LGSN: variants seen among roughly 807,000 people sequenced by gnomAD.
The protein encoded by LGSN is lengsin, lens protein with glutamine synthetase domain, also known as lengsin.
Under a neutral mutation model 19.5 loss-of-function variants are expected in LGSN, and 21 were observed. That is an observed-to-expected ratio of 1.07 (90% CI 0.76 to 1.55). The LOEUF (loss-of-function observed/expected upper bound fraction) is 1.55, where lower values mean the gene tolerates loss of function less well. Ranked by LOEUF, LGSN falls within the 40% of genes most tolerant of loss-of-function variation. The pLI, the probability that LGSN is intolerant of heterozygous loss-of-function variation, is 0.00. For synonymous variants in LGSN, 257 were observed against 215.6 expected (o/e 1.19, Z -1.68); for missense variants, 673 against 608.5 (o/e 1.11, Z -1.12).
intron 1 of LGSN, among the ~76,000 whole-genome samples, chr6:63,303,715 T>C (rs1041854502): frequency 6.6e-6 from 1 of 152,210 alleles, no homozygotes; most frequent in Non-Finnish European, 1.5e-5. Flanking sequence ...ACTGACTGGG[T>C]ACAGTCAAAC....
At chr6:63,410,859 A>G in the LGSN span, among the ~76,000 whole-genome samples, 2 of 152,114 alleles carry the variant, frequency 1.3e-5, no homozygotes, top group Admixed American at 6.6e-5. Context: ...ATGCTGGTAA[A>G]TGGTTGCTGC....
intron 1 of LGSN, among the ~76,000 whole-genome samples, chr6:63,319,093 C>G (rs1768982367): frequency 6.6e-6 from 1 of 152,126 alleles, no homozygotes; most frequent in African/African-American, 2.4e-5. Flanking sequence ...GACTCTATTT[C>G]AAAACAACTG....
chr6:63,431,037 A>G, the LGSN span, among the ~76,000 whole-genome samples: 1 of 152,174 alleles, frequency 6.6e-6, no homozygotes, highest in Admixed American at 6.5e-5. Context: ...AGTAAATAAT[A>G]CCTTACTCTT....
At chr6:63,526,371 A>G in the LGSN span, among the ~76,000 whole-genome samples, 2 of 152,080 alleles carry the variant, frequency 1.3e-5, no homozygotes, top group East Asian at 3.9e-4. Context: ...TTTGGGTTCT[A>G]GAATAGCTGA....
chr6:63,535,011 G>T, the LGSN span, among the ~76,000 whole-genome samples: 1 of 151,976 alleles, frequency 6.6e-6, no homozygotes, highest in Non-Finnish European at 1.5e-5. Context: ...AGTGAGCCAA[G>T]ATCGCATCAT....
the LGSN span, among the ~76,000 whole-genome samples, chr6:63,498,726 G>A: frequency 6.6e-6 from 1 of 152,074 alleles, no homozygotes; most frequent in Admixed American, 6.6e-5. Context: ...TGAGACAAGT[G>A]CTCATTTACA....
chr6:63,345,537 T>C, the LGSN span, among the ~76,000 whole-genome samples: 8 of 152,198 alleles, frequency 5.3e-5, no homozygotes, highest in African/African-American at 1.9e-4. Flanking sequence ...GAGATCCCTT[T>C]TCTTTATGTC....
the LGSN span, among the ~76,000 whole-genome samples, chr6:63,488,701 C>A: frequency 6.6e-6 from 1 of 151,924 alleles, no homozygotes; most frequent in African/African-American, 2.4e-5. Flanking sequence ...GCCTGTAATC[C>A]CAGCTACTTG....
At chr6:63,288,894 A>G (rs543349333) in intron 2 of LGSN, among the ~76,000 whole-genome samples, 2 of 152,132 alleles carry the variant, frequency 1.3e-5, no homozygotes, top group Non-Finnish European at 2.9e-5. Context: ...TAAAGAACGT[A>G]TCTCCAAATT....
the LGSN span, among the ~76,000 whole-genome samples, chr6:63,494,269 G>T: frequency 1.6e-4 from 25 of 151,960 alleles, no homozygotes; most frequent in African/African-American, 5.8e-4. Context: ...TATTTCTATG[G>T]CTCCTTGGAT....
chr6:63,373,869 AG>A, the LGSN span, among the ~76,000 whole-genome samples: 1 of 151,296 alleles, frequency 6.6e-6, no homozygotes, highest in South Asian at 2.1e-4. Context: ...CAGGAGCTGG[AG>A]GTTGCAGTGA....
At chr6:63,355,710 C>T in the LGSN span, among the ~76,000 whole-genome samples, 3 of 152,160 alleles carry the variant, frequency 2.0e-5, no homozygotes, top group Admixed American at 6.5e-5. Context: ...CGGAGTTTCA[C>T]TCTTGATGCA....
the LGSN span, among the ~76,000 whole-genome samples, chr6:63,547,387 A>G: frequency 6.7e-6 from 1 of 149,780 alleles, no homozygotes; most frequent in Admixed American, 6.7e-5. Context: ...ATAGGATTTC[A>G]CCATGTTGGC....
At chr6:63,479,595 C>T in the LGSN span, among the ~76,000 whole-genome samples, 1 of 151,970 alleles carries the variant, frequency 6.6e-6, no homozygotes, top group Admixed American at 6.6e-5. Flanking sequence ...AAAAAATTAG[C>T]TGAGCATGGT....
chr6:63,523,006 A>G, the LGSN span, among the ~76,000 whole-genome samples: 3 of 151,930 alleles, frequency 2.0e-5, no homozygotes, highest in Admixed American at 2.0e-4. Flanking sequence ...CTGGGACTAC[A>G]GGCATGTGCC....
the LGSN span, among the ~76,000 whole-genome samples, chr6:63,429,049 A>G: frequency 0.49 from 74,236 of 151,876 alleles, 19,016 homozygotes; most frequent in Non-Finnish European, 0.54. Context: ...TCTTGACCTC[A>G]AAACCAAGTC....
chr6:63,529,296 C>G, the LGSN span, among the ~76,000 whole-genome samples: 247 of 150,968 alleles, frequency 1.6e-3, no homozygotes, highest in Non-Finnish European at 1.5e-3. Flanking sequence ...AATACCTAGT[C>G]TTTCTCTACA....
the LGSN span, among the ~76,000 whole-genome samples, chr6:63,383,371 T>TACAC: frequency 0.045 from 6,289 of 139,236 alleles, 189 homozygotes; most frequent in African/African-American, 0.087. Context: ...AACCATTACT[T>TACAC]ACACACACAC....
At chr6:63,312,791 G>A (rs1012622138) in intron 1 of LGSN, among the ~76,000 whole-genome samples, 3 of 152,278 alleles carry the variant, frequency 2.0e-5, no homozygotes, top group Admixed American at 6.5e-5. Context: ...TGAGCATAGT[G>A]CAGACATACT....
Sources: gnomAD v4.1 joint callset for allele counts (sites outside exome capture counted in the v4.1 genomes callset) on GRCh38, gnomAD v4.1.1 for gene constraint, MANE v1.5 for transcripts, NCBI Gene and HGNC (gene_info 2026-07-23, HGNC 2026-07-21) for gene names.